Variants in PCDHGA6 observed in about 807,000 individuals in gnomAD.
PCDHGA6 encodes protocadherin gamma-A6.
Under a neutral mutation model 60.6 loss-of-function variants are expected in PCDHGA6, and 41 were observed. That is an observed-to-expected ratio of 0.68 (90% CI 0.53 to 0.88). The LOEUF is 0.88. PCDHGA6 is among the 40% of genes least tolerant of loss of function. The probability of loss-of-function intolerance (pLI) is 0.00; values close to 1 mark genes in which losing one functional copy is unlikely to be tolerated. For missense variants in PCDHGA6, 1,312 were observed against 1,203.0 expected, an observed-to-expected ratio of 1.09 and a Z score of -1.34; for synonymous variants, 594 against 524.4, an observed-to-expected ratio of 1.13 and a Z score of -1.81.
chr5:141,479,703 C>T (rs1219257838), intron 1 of PCDHGA6: 1 of 152,182 alleles, frequency 6.6e-6, no homozygotes, highest in African/African-American at 2.4e-5. Context: ...AGTGTTAGTC[C>T]CTGTCCTTCC....
At chr5:141,418,029 G>A (rs775326655) in intron 1 of PCDHGA6, 1 of 1,614,022 alleles carries the variant, frequency 6.2e-7, no homozygotes, top group Non-Finnish European at 8.5e-7. Context: ...CTAGGGCTTA[G>A]TGTCCTGGAT....
At chr5:141,481,618 G>C (rs1339565594) in intron 1 of PCDHGA6, among the ~76,000 whole-genome samples, 1 of 152,142 alleles carries the variant, frequency 6.6e-6, no homozygotes, top group African/African-American at 2.4e-5. Context: ...AGGAGTTCAA[G>C]ACCGGCCTGG....
chr5:141,486,522 A>G lies in PCDHGA6; in HGVS notation c.2425-8285A>G. 1 of 1,614,174 alleles carries G rather than the reference A, an allele frequency of 6.2e-7. No homozygotes were observed. Among genetic ancestry groups the G allele is most frequent in the Non-Finnish European group, 8.5e-7 (1 of 1,180,024 alleles). On this transcript the variant is annotated intron_variant, in intron 1 of 3. Transcript: ENST00000517434. The surrounding 1 kb of genome is among the most constrained non-coding windows in gnomAD (Gnocchi z 5.0). The stretch of plus-strand genomic sequence containing the variant: ...TTCCTCAATATTTCAGATGTGAATG[A>G]TAATCCACCCTCTTTCTTTCAGAGG...
chr5:141,393,460 A>T, intron 1 of PCDHGA6: 1 of 1,614,052 alleles, frequency 6.2e-7, no homozygotes, highest in Non-Finnish European at 8.5e-7. Flanking sequence ...ACGGCCTCGG[A>T]TGGCGGCAAG....
chr5:141,435,066 G>A (rs936110088), intron 1 of PCDHGA6, among the ~76,000 whole-genome samples: 3 of 151,920 alleles, frequency 2.0e-5, no homozygotes, highest in African/African-American at 7.3e-5. Context: ...GCAGTTTTGT[G>A]TAGACCGTCT....
intron 1 of PCDHGA6, among the ~76,000 whole-genome samples, chr5:141,474,464 T>C (rs373468290): frequency 6.6e-6 from 1 of 152,252 alleles, no homozygotes; most frequent in African/African-American, 2.4e-5. Context: ...CTATACTCTT[T>C]ATTCTAAATT....
chr5:141,428,001 T>C (rs149531447), intron 1 of PCDHGA6: 1 of 1,601,704 alleles, frequency 6.2e-7, no homozygotes, highest in Admixed American at 1.7e-5. Flanking sequence ...CTCCGCACTC[T>C]TCGATATAGT....
At chr5:141,384,640 T>C (rs1780304566) in intron 1 of PCDHGA6, 1 of 1,613,956 alleles carries the variant, frequency 6.2e-7, no homozygotes, top group Admixed American at 1.7e-5. Context: ...GGCACCCCGC[T>C]CCGCAGAGCC....
At chr5:141,409,719 CAGTG>C (rs2095305881) in intron 1 of PCDHGA6, 2 of 1,613,090 alleles carry the variant, frequency 1.2e-6, no homozygotes, top group South Asian at 2.2e-5. Flanking sequence ...TCATACGTGT[CAGTG>C]AGCGCGCAGA....
chr5:141,445,334 A>G (rs1337991795), intron 1 of PCDHGA6, among the ~76,000 whole-genome samples: 1 of 152,224 alleles, frequency 6.6e-6, no homozygotes, highest in African/African-American at 2.4e-5. Context: ...ATCCAGAAAC[A>G]GTAAACATTG....
At chr5:141,408,375 T>A in intron 1 of PCDHGA6, 1 of 1,613,972 alleles carries the variant, frequency 6.2e-7, no homozygotes, top group Non-Finnish European at 8.5e-7. Context: ...GGGCTCAGTG[T>A]CCTGGATGTG....
intron 1 of PCDHGA6, among the ~76,000 whole-genome samples, chr5:141,387,209 T>C (rs911946032): frequency 1.3e-5 from 2 of 152,170 alleles, no homozygotes; most frequent in African/African-American, 4.8e-5. Flanking sequence ...ACTGATACTC[T>C]CCGGAAAAAG....
chr5:141,426,090 T>G (rs545457395), intron 1 of PCDHGA6, among the ~76,000 whole-genome samples: 1 of 152,246 alleles, frequency 6.6e-6, no homozygotes, highest in African/African-American at 2.4e-5. Context: ...CAGGACGATA[T>G]TCTGTTCAGT....
chr5:141,487,921 A>G lies in PCDHGA6; in HGVS notation c.2425-6886A>G, dbSNP rs17097340. On this transcript the variant is annotated intron_variant, in intron 1 of 3. Coordinates refer to ENST00000517434, the MANE Select transcript of PCDHGA6 (RefSeq NM_018919.3). This position sits in a 1 kb window ranked among gnomAD's most constrained non-coding sequence, Gnocchi z 5.0. ...GGAATGTGGGAGCACAGGAGGCTAC[A>G]GTGCACAGGGTACAGTGCACCAGGC... 0.15 allele frequency: 93,556 copies of G among 639,124 alleles called. 7,160 individuals carry two copies. The highest frequency in any genetic ancestry group is 0.21 in the African/African-American group (11,270 of 54,532). 39.6% of individuals were successfully genotyped at this position (639,124 alleles called of 1,614,324 possible).
At chr5:141,456,687 A>G (rs1053490307) in intron 1 of PCDHGA6, among the ~76,000 whole-genome samples, 1 of 152,156 alleles carries the variant, frequency 6.6e-6, no homozygotes. Context: ...ATTACTGGCC[A>G]GGCGTGGTGG....
intron 1 of PCDHGA6, chr5:141,421,454 T>C: frequency 6.2e-7 from 1 of 1,614,132 alleles, no homozygotes; most frequent in Non-Finnish European, 8.5e-7. Flanking sequence ...ACACAGCTTT[T>C]CGCTGTGAAT....
intron 1 of PCDHGA6, among the ~76,000 whole-genome samples, chr5:141,435,219 C>A (rs1226171884): frequency 6.6e-6 from 1 of 152,118 alleles, no homozygotes; most frequent in Non-Finnish European, 1.5e-5. Flanking sequence ...AATTTACTTT[C>A]TTTCAAAGTT....
At chr5:141,464,251 C>G (rs1438610569) in intron 1 of PCDHGA6, among the ~76,000 whole-genome samples, 1 of 141,396 alleles carries the variant, frequency 7.1e-6, no homozygotes, top group African/African-American at 2.7e-5. Context: ...GGCTACAGAG[C>G]GAGACTCCGT....
chr5:141,422,263 C>T lies in PCDHGA6; in HGVS notation c.2424+45756C>T, dbSNP rs755271863. On this transcript the variant is annotated intron_variant, in intron 1 of 3. Transcript: ENST00000517434. ...TGTTGTGGATGTGAATGATAACGCT[C>T]CAGAAATAACTATCACCTCTTCTAT... is the stretch of plus-strand genomic sequence containing the variant. 1.0e-5 allele frequency: 16 copies of T among 1,563,686 alleles called. No individual in the cohort carries two copies. The South Asian group carries it at 1.7e-4, about 17-fold the overall frequency.
Sources: allele counts gnomAD v4.1 joint callset (sites outside exome capture counted in the v4.1 genomes callset), GRCh38; gene constraint gnomAD v4.1.1; non-coding constraint Gnocchi (gnomAD v3.1); transcripts MANE v1.5; gene names NCBI Gene and HGNC (gene_info 2026-07-23, HGNC 2026-07-21).